The following FRRS1L variants were observed in gnomAD, a reference collection of about 807,000 sequenced individuals.
FRRS1L encodes ferric chelate reductase 1 like.
In FRRS1L, 22 loss-of-function variants were observed where a neutral mutation model predicts 28.6. That is an observed-to-expected ratio of 0.77 (90% CI 0.55 to 1.10). The LOEUF (loss-of-function observed/expected upper bound fraction) is 1.10, where lower values mean the gene tolerates loss of function less well. Among genes scored for constraint, FRRS1L ranks in the 50% least tolerant of loss-of-function variants. FRRS1L has a pLI of 0.00. For synonymous variants in FRRS1L, 158 were observed against 151.4 expected (o/e 1.04, Z -0.32); for missense variants, 380 against 386.9 (o/e 0.98, Z 0.15).
intron 1 of FRRS1L, chr9:109,151,380 T>A (rs937933813): frequency 6.5e-6 from 1 of 153,310 alleles, no homozygotes; most frequent in Non-Finnish European, 1.5e-5. Flanking sequence ...TTATAGCCAC[T>A]CCCCATGGCT....
rs1831071524 is a variant in FRRS1L, at chr9:109,132,722, G to A, written c.*4733C>T. On this transcript the variant is annotated 3_prime_UTR_variant, in exon 5 of 5. Transcript: ENST00000561981. ...GCCTGCAAGCTAAGAATGGTCTTTG[G>A]ATTTTTTTAATGGCTTTCTGAAAAA... The A allele has an allele frequency of 2.0e-5, 3 of 151,998 alleles. No individual in the cohort carries two copies. Among genetic ancestry groups the A allele is most frequent in the Admixed American group, 6.5e-5 (1 of 15,272 alleles). 9.4% of individuals were successfully genotyped at this position (151,998 alleles called of 1,614,324 possible).
intron 3 of FRRS1L, among the ~76,000 whole-genome samples, chr9:109,146,134 C>T (rs1831257447): frequency 6.6e-6 from 1 of 151,028 alleles, no homozygotes; most frequent in South Asian, 2.1e-4. Flanking sequence ...GAGGTGCAGG[C>T]TGCAATGAGC....
In FRRS1L at chr9:109,136,157, G is replaced by C. The variant is rs370726815; in HGVS notation, c.*1298C>G. The C allele has an allele frequency of 2.0e-5, 3 of 151,994 alleles. No homozygotes were observed. Among genetic ancestry groups the C allele is most frequent in the East Asian group, 3.9e-4 (2 of 5,098 alleles). The allele number at this position is 151,994 out of a possible 1,614,324, so 9.4% of individuals were successfully genotyped here. A position where few individuals can be genotyped will look rare whatever the true frequency, so the allele number is the denominator to read the frequency against. ...TGAGGCAGGAGAATCACTTGAACCT[G>C]GGAGGCGGAGGTTGCAGTGAAGCTG... On this transcript the variant is annotated 3_prime_UTR_variant, in exon 5 of 5. Coordinates refer to ENST00000561981, the MANE Select transcript of FRRS1L (RefSeq NM_014334.4).
intron 4 of FRRS1L, chr9:109,141,012 G>C (rs1210880556): frequency 3.1e-6 from 1 of 323,070 alleles, no homozygotes; most frequent in East Asian, 6.1e-5. Context: ...CAAGGACATG[G>C]TGAGGAGTAA....
intron 1 of FRRS1L, chr9:109,151,100 C>T (rs1011431855): frequency 6.6e-6 from 1 of 152,192 alleles, no homozygotes; most frequent in African/African-American, 2.4e-5. Flanking sequence ...CACTTCTGTG[C>T]ACTCTGAATA....
intron 3 of FRRS1L, among the ~76,000 whole-genome samples, chr9:109,142,414 T>C (rs1831199473): frequency 6.6e-6 from 1 of 152,218 alleles, no homozygotes; most frequent in South Asian, 2.1e-4. Context: ...GAACACTGAA[T>C]GTGGTTGATA....
Position 109,134,039 on chromosome 9 carries a change from C to T in FRRS1L, c.*3416G>A, listed in dbSNP as rs1831085643. 6.6e-6 allele frequency: 1 copy of T among 152,136 alleles called. No homozygotes were observed. Among genetic ancestry groups the T allele is most frequent in the African/African-American group, 2.4e-5 (1 of 41,434 alleles). The allele number at this position is 152,136 out of a possible 1,614,324, so 9.4% of individuals were successfully genotyped here. A position where few individuals can be genotyped will look rare whatever the true frequency, so the allele number is the denominator to read the frequency against. On this transcript the variant is annotated 3_prime_UTR_variant, in exon 5 of 5. Transcript: ENST00000561981. ...GTTAGTACTGTTACTAAGGATGTTT[C>T]TATTTATGTTTCAAAAGACAAAGTT...
rs960133683 is a variant in FRRS1L, at chr9:109,133,520, G to A, written c.*3935C>T. 3 of 152,236 alleles carry A rather than the reference G, an allele frequency of 2.0e-5. No homozygotes were observed. The highest frequency in any genetic ancestry group is 7.2e-5 in the African/African-American group (3 of 41,468). 9.4% of individuals were successfully genotyped at this position (152,236 alleles called of 1,614,324 possible). Reference sequence around the variant, plus strand: ...GATGTGCACGAAGGTGCATGAATGTGTAGGAAATCATATCACCTCCTTAGG... The same window carrying A: ...GATGTGCACGAAGGTGCATGAATGTATAGGAAATCATATCACCTCCTTAGG... On this transcript the variant is annotated 3_prime_UTR_variant, in exon 5 of 5. Coordinates refer to ENST00000561981, the MANE Select transcript of FRRS1L (RefSeq NM_014334.4).
intron 1 of FRRS1L, among the ~76,000 whole-genome samples, chr9:109,153,283 G>A (rs542177284): frequency 4.6e-4 from 70 of 152,270 alleles, no homozygotes; most frequent in African/African-American, 1.6e-3. Context: ...CTACCTATAG[G>A]GAGGGTTGTG....
rs1478979935 is a variant in FRRS1L at position 109,147,035 on chromosome 9, A to G, written c.462+16T>C. 3 of 1,611,484 alleles carry G rather than the reference A, an allele frequency of 1.9e-6. No individual in the cohort carries two copies. Among genetic ancestry groups the G allele is most frequent in the South Asian group, 2.2e-5 (2 of 90,744 alleles). On this transcript the variant is annotated intron_variant, in intron 3 of 4. Coordinates refer to ENST00000561981, the MANE Select transcript of FRRS1L (RefSeq NM_014334.4). ...TAAAGAGAAAAAATCAGCTTCTATCATGTTTTGCATCTTACCATTTTCTTG... is the reference window on the plus strand; with the variant it reads ...TAAAGAGAAAAAATCAGCTTCTATCGTGTTTTGCATCTTACCATTTTCTTG...
At position 109,137,475 on chromosome 9, in the gene FRRS1L, G is replaced by A. The variant is rs1554732084; in HGVS notation, c.862C>T (p.Leu288=). Residue 288 remains leucine, a synonymous_variant, in exon 5 of 5, where the codon CTA becomes TTA. Coordinates refer to ENST00000561981, the MANE Select transcript of FRRS1L (RefSeq NM_014334.4). ...LLLIVALTFY[L]LMGTP is the part of the protein sequence containing the mutation. ...TGTGGTTAGGGGGTTCCCATCAATA[G>A]GTAGAAGGTCAGAGCAACAATCAGA... is the stretch of plus-strand genomic sequence containing the variant. The A allele has an allele frequency of 1.9e-6, 3 of 1,608,718 alleles. No individual in the cohort carries two copies. The highest frequency in any genetic ancestry group is 1.7e-5 in the Admixed American group (1 of 59,748).
chr9:109,153,649 C>A (rs1831364740), intron 1 of FRRS1L, among the ~76,000 whole-genome samples: 1 of 152,132 alleles, frequency 6.6e-6, no homozygotes, highest in Admixed American at 6.6e-5. Flanking sequence ...TGGGAAGACC[C>A]CACATTTATA....
At chr9:109,148,117 GGT>G (rs1831287176) in intron 2 of FRRS1L, 1 of 151,834 alleles carries the variant, frequency 6.6e-6, no homozygotes, top group Non-Finnish European at 1.5e-5. Context: ...TACAGGCATG[GGT>G]CACCACACCT....
At chr9:109,153,015 A>G (rs1224069293) in intron 1 of FRRS1L, among the ~76,000 whole-genome samples, 2 of 151,976 alleles carry the variant, frequency 1.3e-5, no homozygotes, top group Non-Finnish European at 2.9e-5. Flanking sequence ...TGTTCTGTCA[A>G]ATGCACTTGG....
At position 109,149,714 on chromosome 9, in the gene FRRS1L, G is replaced by C; in HGVS notation, c.245C>G (p.Pro82Arg). The change falls in exon 2 of 5, where the codon CCC (proline) becomes CGC (arginine). Residue 82 changes from proline (P) to arginine (R), a missense_variant. By Grantham distance (103) the Pro-to-Arg change is moderately radical. Transcript: ENST00000561981. ...ATCCACAGGAGGAGCAGTAGGGAAG[G>C]GGTAACCTGGGCAGTGAGAATAAAG... is the stretch of plus-strand genomic sequence containing the variant. Reference protein sequence around the residue: ...DLRYLSEEGYPFPTAPPVDPF... With the variant: ...DLRYLSEEGYRFPTAPPVDPF... The C allele has an allele frequency of 2.5e-6, 4 of 1,609,146 alleles. No homozygotes were observed. The highest frequency in any genetic ancestry group is 3.4e-6 in the Non-Finnish European group (4 of 1,175,526).
At chr9:109,137,793 G>T (rs1831134284) in intron 4 of FRRS1L, 166 bp from the exon 5 acceptor site, 1 of 388,512 alleles carries the variant, frequency 2.6e-6, no homozygotes, top group African/African-American at 2.0e-5. Context: ...CTCTATCATT[G>T]TACATATAAT....
chr9:109,137,794 T>C, intron 4 of FRRS1L, 167 bp from the exon 5 acceptor site: 1 of 384,816 alleles, frequency 2.6e-6, no homozygotes, highest in South Asian at 1.0e-4. Context: ...TCTATCATTG[T>C]ACATATAATA....
At chr9:109,161,964 T>C (rs890888753) in intron 1 of FRRS1L, among the ~76,000 whole-genome samples, 4 of 152,252 alleles carry the variant, frequency 2.6e-5, no homozygotes, top group African/African-American at 7.2e-5. Context: ...GAAACTGTAG[T>C]CCCTAACTGT....
intron 4 of FRRS1L, chr9:109,139,648 T>TC (rs1831155937): frequency 6.6e-6 from 1 of 152,210 alleles, no homozygotes; most frequent in African/African-American, 2.4e-5. Context: ...ACTCCATTTC[T>TC]CCAGGCTGAG....
Sources: allele counts gnomAD v4.1 joint callset (sites outside exome capture counted in the v4.1 genomes callset), GRCh38; gene constraint gnomAD v4.1.1; transcripts MANE v1.5; gene names NCBI Gene and HGNC (gene_info 2026-07-23, HGNC 2026-07-21).